BCAR3: variants seen among roughly 807,000 people sequenced by gnomAD.
BCAR3 encodes the protein breast cancer anti-estrogen resistance protein 3.
A neutral mutation model predicts 80.1 loss-of-function variants in BCAR3; 37 were observed. The observed-to-expected ratio is 0.46, with a 90% CI of 0.36 to 0.61. The LOEUF (loss-of-function observed/expected upper bound fraction) is 0.61, where lower values mean the gene tolerates loss of function less well. BCAR3 is among the 20% of genes least tolerant of loss of function. BCAR3 has a pLI of 0.00. For missense variants in BCAR3, 978 were observed against 1,068.2 expected (o/e 0.92, Z 1.18); for synonymous variants, 389 against 418.9 (o/e 0.93, Z 0.87).
At chr1:93,838,452 C>T (rs1654844686) in intron 2 of BCAR3, among the ~76,000 whole-genome samples, 1 of 152,148 alleles carries the variant, frequency 6.6e-6, no homozygotes, top group African/African-American at 2.4e-5. Context: ...ATAAAGGATC[C>T]ACCCTCATTA....
At chr1:93,573,521 C>A (rs1307882728) in intron 8 of BCAR3, among the ~76,000 whole-genome samples, 1 of 151,786 alleles carries the variant, frequency 6.6e-6, no homozygotes, top group Non-Finnish European at 1.5e-5. Context: ...CTCTTTGTCT[C>A]CATCTCTTTC....
intron 3 of BCAR3, among the ~76,000 whole-genome samples, chr1:93,639,602 G>A (rs191015824): frequency 7.4e-4 from 112 of 151,106 alleles, no homozygotes; most frequent in African/African-American, 2.5e-3. Flanking sequence ...TCAGCCTCCC[G>A]AGTAGCTAGG....
intron 2 of BCAR3, among the ~76,000 whole-genome samples, chr1:93,673,881 T>A (rs1033313737): frequency 2.0e-5 from 3 of 152,254 alleles, no homozygotes; most frequent in African/African-American, 7.2e-5. Context: ...TGGATGGACA[T>A]AGTTCAGAAT....
intron 1 of BCAR3, among the ~76,000 whole-genome samples, chr1:93,676,016 C>T (rs1648469559): frequency 6.7e-6 from 1 of 148,276 alleles, no homozygotes; most frequent in African/African-American, 2.5e-5. Context: ...AGACTCTGGT[C>T]TGGACAGCAC....
At chr1:93,789,268 AC>A (rs1208388818) in intron 2 of BCAR3, among the ~76,000 whole-genome samples, 1 of 152,202 alleles carries the variant, frequency 6.6e-6, no homozygotes, top group Non-Finnish European at 1.5e-5. Context: ...AAGCCACTAC[AC>A]CCAACCTATT....
rs114375738 is a variant in BCAR3, at chr1:93,649,245, G to T, written c.318-6902C>A. ...GCACAGGGGAGTTCACCCAGGGGTGGGTTGGGGGACATCTTGAGTGCTGGG... is the reference window on the plus strand; with the variant it reads ...GCACAGGGGAGTTCACCCAGGGGTGTGTTGGGGGACATCTTGAGTGCTGGG... On this transcript the variant is annotated intron_variant, in intron 2 of 11. Transcript: ENST00000260502. Among the ~76,000 whole-genome samples the T allele has an allele frequency of 7.1e-3, 1,080 of 152,278 alleles. 14 individuals carry two copies. The highest frequency in any genetic ancestry group is 0.025 in the African/African-American group (1,028 of 41,544).
In BCAR3 at chr1:93,734,668, T is replaced by C. The variant is rs375643142; in HGVS notation, c.-62-28526A>G. 8.6e-4 allele frequency among the ~76,000 whole-genome samples: 131 copies of C among 152,190 alleles called. 4 individuals are homozygous for C. In the South Asian group the frequency reaches 0.027, roughly 31 times the overall value. The stretch of plus-strand genomic sequence containing the variant: ...CCAGGCGGGGAGGGCCCCAGCAACG[T>C]CGGCAAAGCTATCTGTAGTTCCAGC... On this transcript the variant is annotated intron_variant, in intron 2 of 13. Transcript: ENST00000370244.
intron 8 of BCAR3, 106 bp from the exon 9 acceptor site, chr1:93,571,947 T>C (rs1673236422): frequency 1.5e-6 from 2 of 1,300,012 alleles, no homozygotes; most frequent in East Asian, 2.3e-5. Flanking sequence ...TTGCTCCTTT[T>C]GCTCTAAAAT....
At chr1:93,822,624 C>T (rs925071913) in intron 2 of BCAR3, among the ~76,000 whole-genome samples, 6 of 152,150 alleles carry the variant, frequency 3.9e-5, no homozygotes, top group Non-Finnish European at 7.3e-5. Context: ...CAGGCGTGAG[C>T]CACCATGCCC....
At chr1:93,626,903 A>G (rs930464252) in intron 3 of BCAR3, among the ~76,000 whole-genome samples, 72 of 152,188 alleles carry the variant, frequency 4.7e-4, no homozygotes, top group African/African-American at 1.7e-3. Context: ...ATAGAGCACA[A>G]TTTTTACTTC....
intron 10 of BCAR3, 74 bp from the exon 11 acceptor site, chr1:93,567,565 C>G (rs757007629): frequency 1.8e-5 from 28 of 1,530,532 alleles, no homozygotes; most frequent in Admixed American, 7.3e-5. Context: ...TGACTCATAG[C>G]CCTTGTCTTG....
chr1:93,562,490 C>T, intron 11 of BCAR3, 71 bp from the exon 12 acceptor site: 1 of 1,486,404 alleles, frequency 6.7e-7, no homozygotes, highest in Non-Finnish European at 9.2e-7. Context: ...ACTGAAAGCA[C>T]CAGGCGCGGT....
intron 2 of BCAR3, among the ~76,000 whole-genome samples, chr1:93,780,481 G>A (rs2100757098): frequency 6.6e-6 from 1 of 151,704 alleles, no homozygotes; most frequent in Middle Eastern, 3.4e-3. Flanking sequence ...TCTCTACTCT[G>A]GCCACCCAAA....
Position 93,562,225 on chromosome 1 carries a change from GT to G in BCAR3, c.*15del. On this transcript the variant is annotated 3_prime_UTR_variant, in exon 12 of 12. Coordinates refer to ENST00000260502, the MANE Select transcript of BCAR3 (RefSeq NM_003567.4). ...GGAAACTTGAAAAGATATTCTAAAG[GT>G]TCTCTGGAGAGTTATCAAAGCTCTG... 1 of 1,602,866 alleles carries G rather than the reference GT, an allele frequency of 6.2e-7. No individual in the cohort carries two copies.
intron 3 of BCAR3, among the ~76,000 whole-genome samples, chr1:93,634,361 T>C (rs1047372906): frequency 1.3e-5 from 2 of 152,232 alleles, no homozygotes; most frequent in East Asian, 3.9e-4. Context: ...GCTGTTCTCA[T>C]GATAGTGAAT....
chr1:93,740,922 C>T lies in BCAR3; in HGVS notation c.-62-34780G>A, dbSNP rs184637219. Among the ~76,000 whole-genome samples, 621 of 152,260 alleles carry T rather than the reference C, an allele frequency of 4.1e-3. 7 individuals carry two copies. The highest frequency in any genetic ancestry group is 0.014 in the African/African-American group (595 of 41,528). On this transcript the variant is annotated intron_variant, in intron 2 of 13. Coordinates refer to the BCAR3 transcript ENST00000370244. ...TCCAGCTGACAGCCTTGTGTTCAGCCCTTAGATGCAAGCGCGTCTGCCGAC... is the reference window on the plus strand; with the variant it reads ...TCCAGCTGACAGCCTTGTGTTCAGCTCTTAGATGCAAGCGCGTCTGCCGAC...
intron 6 of BCAR3, among the ~76,000 whole-genome samples, chr1:93,583,646 G>A (rs1673819316): frequency 1.3e-5 from 2 of 152,092 alleles, no homozygotes; most frequent in Admixed American, 1.3e-4. Context: ...CCGCCCACCC[G>A]GGAAAAGGGA....
chr1:93,567,362 A>G lies in BCAR3; in HGVS notation c.2216T>C (p.Ile739Thr). The G allele has an allele frequency of 6.2e-7, 1 of 1,614,160 alleles. No individual in the cohort carries two copies. Among genetic ancestry groups the G allele is most frequent in the Non-Finnish European group, 8.5e-7 (1 of 1,180,040 alleles). Residue 739 changes from isoleucine (I) to threonine (T), a missense_variant, in exon 11 of 12, where the codon ATC becomes ACC. Coordinates refer to ENST00000260502, the MANE Select transcript of BCAR3 (RefSeq NM_003567.4). ...CGCTGTTGCCAAATGGTTCAGCATG[A>G]TTTCACAGCTCTGGTCGTTTTTTTC... ...MWEKNDQSCE[I>T]MLNHLATARF...
intron 3 of BCAR3, among the ~76,000 whole-genome samples, chr1:93,627,088 AC>A (rs758517187): frequency 2.0e-5 from 3 of 152,252 alleles, no homozygotes; most frequent in Non-Finnish European, 4.4e-5. Context: ...ACTTGTATTC[AC>A]CACATGAGTT....
Sources: allele counts gnomAD v4.1 joint callset (sites outside exome capture counted in the v4.1 genomes callset), GRCh38; gene constraint gnomAD v4.1.1; transcripts MANE v1.5; gene names NCBI Gene and HGNC (gene_info 2026-07-23, HGNC 2026-07-21).